FAM135B: variants seen among roughly 807,000 people sequenced by gnomAD.
FAM135B encodes protein FAM135B.
A neutral mutation model predicts 127.7 loss-of-function variants in FAM135B; 43 were observed. That is an observed-to-expected ratio of 0.34 (90% CI 0.26 to 0.43). FAM135B has a LOEUF of 0.43. Among genes scored for constraint, FAM135B ranks in the 20% least tolerant of loss-of-function variants. The pLI is 1.00. For synonymous variants in FAM135B, 670 were observed against 665.1 expected (o/e 1.01, Z -0.11); for missense variants, 1,558 against 1,725.6 (o/e 0.90, Z 1.72).
intron 1 of FAM135B, among the ~76,000 whole-genome samples, chr8:138,409,710 C>G (rs939533430): frequency 1.3e-5 from 2 of 151,762 alleles, no homozygotes; most frequent in African/African-American, 2.4e-5. Context: ...CGTGTCTCCA[C>G]TAAAAATACA....
intron 1 of FAM135B, among the ~76,000 whole-genome samples, chr8:138,374,542 G>A (rs1480280708): frequency 6.6e-6 from 1 of 152,150 alleles, no homozygotes; most frequent in Non-Finnish European, 1.5e-5. Flanking sequence ...GTAAGTAGTA[G>A]AGGTTCACAA....
At position 138,132,743 on chromosome 8, in the gene FAM135B, C is replaced by T. The variant is rs201744533; in HGVS notation, c.4071G>A (p.Lys1357=). ...NNLLGPLVEA[K]DCTLIRHNVF... ...CGTTGTGTCGGATTAAAGTGCAGTC[C>T]TTGGCTTCAACCAGAGGGCCCAGGA... The change falls in exon 20 of 20, where the codon AAG becomes AAA. Residue 1357 remains lysine (K), a synonymous_variant. Coordinates refer to ENST00000395297, the MANE Select transcript of FAM135B (RefSeq NM_015912.4). The surrounding 1 kb of genome is among the most constrained non-coding windows in gnomAD (Gnocchi z 4.5). 6.2e-7 allele frequency: 1 copy of T among 1,614,176 alleles called. No homozygotes were observed. Among genetic ancestry groups the T allele is most frequent in the Non-Finnish European group, 8.5e-7 (1 of 1,180,032 alleles).
At chr8:138,273,605 T>G (rs1823566967) in intron 3 of FAM135B, among the ~76,000 whole-genome samples, 1 of 152,230 alleles carries the variant, frequency 6.6e-6, no homozygotes, top group Non-Finnish European at 1.5e-5. Flanking sequence ...CCCTGCTTAC[T>G]AGCTGGGAGA....
chr8:138,247,886 C>T (rs1821407283), intron 6 of FAM135B, among the ~76,000 whole-genome samples: 1 of 152,240 alleles, frequency 6.6e-6, no homozygotes, highest in African/African-American at 2.4e-5. Context: ...CCCAAATTCA[C>T]TTTTCACTGT....
chr8:138,447,435 A>G (rs989812261), intron 1 of FAM135B, among the ~76,000 whole-genome samples: 53 of 152,260 alleles, frequency 3.5e-4, no homozygotes, highest in Non-Finnish European at 5.7e-4. Context: ...ACTGGATTAA[A>G]AAAATGTGGC....
At chr8:138,273,254 G>A (rs991283610) in intron 3 of FAM135B, among the ~76,000 whole-genome samples, 2 of 152,190 alleles carry the variant, frequency 1.3e-5, no homozygotes, top group African/African-American at 4.8e-5. Context: ...AGCCCAGGCT[G>A]GAGTGCAGTG....
chr8:138,242,165 T>TTGTGTGTGTGTGTGTGTGTG lies in FAM135B; in HGVS notation c.669+757_669+776dup, dbSNP rs55837421. 7.7e-6 allele frequency among the ~76,000 whole-genome samples: 1 copy of TTGTGTGTGTGTGTGTGTGTG among 129,994 alleles called. No homozygotes were observed. The highest frequency in any genetic ancestry group is 1.6e-5 in the Non-Finnish European group (1 of 62,462). 85.3% of individuals were successfully genotyped at this position (129,994 alleles called of 152,430 possible). The stretch of plus-strand genomic sequence containing the variant: ...AGTCAATTACTTATGATAAATCTCT[T>TTGTGTGTGTGTGTGTGTGTG]TGTGTGTGTGTGTGTGTGTGTGTGT... On this transcript the variant is annotated intron_variant, in intron 7 of 19. Transcript: ENST00000395297. This position sits in a 1 kb window ranked among gnomAD's most constrained non-coding sequence, Gnocchi z 9.6.
At chr8:138,277,502 C>T (rs1823924033) in intron 3 of FAM135B, among the ~76,000 whole-genome samples, 1 of 152,164 alleles carries the variant, frequency 6.6e-6, no homozygotes, top group African/African-American at 2.4e-5. Flanking sequence ...ACAGCAAATG[C>T]AGAACAGAAG....
At chr8:138,432,286 T>C (rs1835231796) in intron 1 of FAM135B, among the ~76,000 whole-genome samples, 1 of 152,158 alleles carries the variant, frequency 6.6e-6, no homozygotes, top group Non-Finnish European at 1.5e-5. Flanking sequence ...CCCTGAATGA[T>C]AAGAATGAAC....
intron 3 of FAM135B, among the ~76,000 whole-genome samples, chr8:138,296,312 C>A (rs548209926): frequency 5.4e-4 from 83 of 152,324 alleles, no homozygotes; most frequent in African/African-American, 1.9e-3. Context: ...CTGGCTTTAA[C>A]CTCTGTGTAT....
chr8:138,179,094 T>A (rs115403531), intron 9 of FAM135B, among the ~76,000 whole-genome samples: 1 of 152,212 alleles, frequency 6.6e-6, no homozygotes, highest in African/African-American at 2.4e-5. Context: ...TCGTTTATCC[T>A]GGATATCCCC....
chr8:138,380,988 A>G (rs1240629644), intron 1 of FAM135B, among the ~76,000 whole-genome samples: 1 of 151,326 alleles, frequency 6.6e-6, no homozygotes, highest in African/African-American at 2.4e-5. Context: ...CAAACAAACA[A>G]AAAAAAACAG....
chr8:138,246,761 T>C (rs1459049314), intron 6 of FAM135B, among the ~76,000 whole-genome samples: 1 of 152,080 alleles, frequency 6.6e-6, no homozygotes, highest in Non-Finnish European at 1.5e-5. Context: ...GAATGGTAGA[T>C]CCACCAATAG....
chr8:138,419,512 C>T (rs1834363082), intron 1 of FAM135B, among the ~76,000 whole-genome samples: 1 of 152,084 alleles, frequency 6.6e-6, no homozygotes, highest in Non-Finnish European at 1.5e-5. Flanking sequence ...AGTGACCTAA[C>T]AGACATCTAC....
intron 3 of FAM135B, among the ~76,000 whole-genome samples, chr8:138,284,047 C>T (rs1824482895): frequency 6.6e-6 from 1 of 151,902 alleles, no homozygotes; most frequent in Non-Finnish European, 1.5e-5. Flanking sequence ...CTGGACCTTC[C>T]CCTCAATTTT....
At chr8:138,187,971 G>T (rs1194657845) in intron 9 of FAM135B, among the ~76,000 whole-genome samples, 1 of 152,182 alleles carries the variant, frequency 6.6e-6, no homozygotes, top group Non-Finnish European at 1.5e-5. Context: ...TAAGGGATGG[G>T]TCTTAGAGAG....
chr8:138,157,056 T>C (rs1233409324), intron 12 of FAM135B, among the ~76,000 whole-genome samples: 1 of 152,198 alleles, frequency 6.6e-6, no homozygotes, highest in Admixed American at 6.5e-5. Flanking sequence ...AATAAAATAC[T>C]GGCAAACAGA....
At chr8:138,325,501 G>A (rs565537096) in intron 2 of FAM135B, among the ~76,000 whole-genome samples, 6 of 152,240 alleles carry the variant, frequency 3.9e-5, no homozygotes, top group Admixed American at 6.5e-5. Flanking sequence ...GTAAATGGGC[G>A]ATCTGGAAAG....
intron 2 of FAM135B, among the ~76,000 whole-genome samples, chr8:138,350,342 C>A (rs959956520): frequency 2.6e-5 from 4 of 152,164 alleles, no homozygotes; most frequent in South Asian, 4.1e-4. Flanking sequence ...CACAAGGCAA[C>A]CAACCATTCC....
Sources: gnomAD v4.1 joint callset for allele counts (sites outside exome capture counted in the v4.1 genomes callset) on GRCh38, gnomAD v4.1.1 for gene constraint, Gnocchi (gnomAD v3.1) non-coding constraint, MANE v1.5 for transcripts, NCBI Gene and HGNC (gene_info 2026-07-23, HGNC 2026-07-21) for gene names.